The following TGFA variants were observed in gnomAD, a reference collection of about 807,000 sequenced individuals.
TGFA encodes the protein protransforming growth factor alpha.
In TGFA, 12 loss-of-function variants were observed where a neutral mutation model predicts 21.7. The observed-to-expected ratio is 0.55, with a 90% CI of 0.35 to 0.90. The LOEUF (loss-of-function observed/expected upper bound fraction) is 0.90. Among genes scored for constraint, TGFA ranks in the 40% least tolerant of loss-of-function variants. The probability of loss-of-function intolerance (pLI) is 0.01; values close to 1 mark genes in which losing one functional copy is unlikely to be tolerated. For synonymous variants in TGFA, 79 were observed against 88.1 expected, an observed-to-expected ratio of 0.90 and a Z score of 0.58; for missense variants, 178 against 210.8, an observed-to-expected ratio of 0.84 and a Z score of 0.96.
intron 3 of TGFA, among the ~76,000 whole-genome samples, chr2:70,464,779 G>T (rs1670500582): frequency 1.3e-5 from 2 of 152,146 alleles, no homozygotes; most frequent in Admixed American, 6.5e-5. Context: ...CCTCCACTTT[G>T]TCTCTAAGCT....
At chr2:70,484,820 CCCAACAGCCTT>C (rs1320277805) in intron 2 of TGFA, among the ~76,000 whole-genome samples, 1 of 152,154 alleles carries the variant, frequency 6.6e-6, no homozygotes. Flanking sequence ...TCTGTGTGCT[CCCAACAGCCTT>C]CCAACAAAGT....
At chr2:70,474,970 G>A (rs1443494804) in intron 2 of TGFA, among the ~76,000 whole-genome samples, 2 of 6,676 alleles carry the variant, frequency 3.0e-4, no homozygotes, top group Non-Finnish European at 3.2e-4. Context: ...CACAGCAGCC[G>A]TGTGTGTGTG....
At chr2:70,516,316 C>T (rs1349190569) in intron 1 of TGFA, among the ~76,000 whole-genome samples, 4 of 151,698 alleles carry the variant, frequency 2.6e-5, no homozygotes, top group Admixed American at 2.6e-4. Context: ...TGTGAGGGTT[C>T]CTTGCCCCTT....
intron 3 of TGFA, among the ~76,000 whole-genome samples, chr2:70,461,013 T>C (rs1481764248): frequency 1.3e-5 from 2 of 152,208 alleles, no homozygotes; most frequent in Non-Finnish European, 2.9e-5. Context: ...AAGAGTCCAG[T>C]GGCTCTTGTC....
At chr2:70,465,483 G>T in intron 3 of TGFA, 133 bp downstream of exon 3, 1 of 1,215,112 alleles carries the variant, frequency 8.2e-7, no homozygotes, top group South Asian at 1.6e-5. Context: ...CAGCCCCACT[G>T]TTCCAATCCT....
At chr2:70,521,383 C>T (rs1553502237) in intron 1 of TGFA, among the ~76,000 whole-genome samples, 1 of 152,150 alleles carries the variant, frequency 6.6e-6, no homozygotes, top group Non-Finnish European at 1.5e-5. Flanking sequence ...GCCTTGGGTT[C>T]ATGCTACTAG....
intron 2 of TGFA, among the ~76,000 whole-genome samples, chr2:70,486,728 CT>C (rs1334060880): frequency 6.6e-6 from 1 of 151,966 alleles, no homozygotes; most frequent in Non-Finnish European, 1.5e-5. Flanking sequence ...CCCTAAAGTG[CT>C]GGAATTATAG....
intron 1 of TGFA, among the ~76,000 whole-genome samples, chr2:70,533,479 C>G (rs1007065968): frequency 7.9e-5 from 12 of 152,102 alleles, no homozygotes; most frequent in African/African-American, 2.9e-4. Flanking sequence ...CAGAAAATAC[C>G]ACAAGGGCCT....
chr2:70,456,542 T>C (rs1574067354), intron 3 of TGFA, 54 bp from the exon 4 acceptor site: 16 of 1,541,178 alleles, frequency 1.0e-5, no homozygotes, highest in Non-Finnish European at 1.4e-5. Context: ...CTTGTTACCC[T>C]AGCTCTCCAG....
At chr2:70,467,161 AC>A (rs1371116905) in intron 2 of TGFA, among the ~76,000 whole-genome samples, 1 of 152,164 alleles carries the variant, frequency 6.6e-6, no homozygotes, top group Non-Finnish European at 1.5e-5. Flanking sequence ...TATGTAACGA[AC>A]CTGCACATCC....
At chr2:70,496,103 C>T (rs1178554320) in intron 2 of TGFA, among the ~76,000 whole-genome samples, 7 of 152,128 alleles carry the variant, frequency 4.6e-5, no homozygotes, top group Non-Finnish European at 1.0e-4. Context: ...GCTGCCATAC[C>T]CACATGTGTG....
At chr2:70,495,335 T>G (rs2103797157) in intron 2 of TGFA, among the ~76,000 whole-genome samples, 1 of 152,364 alleles carries the variant, frequency 6.6e-6, no homozygotes, top group Middle Eastern at 3.4e-3. Flanking sequence ...TTTTAATGTT[T>G]ATTAATATTT....
chr2:70,476,590 A>G lies in TGFA; in HGVS notation c.95-10854T>C, dbSNP rs146703934. 5.3e-5 allele frequency among the ~76,000 whole-genome samples: 8 copies of G among 152,342 alleles called. 1 individual carries two copies. The East Asian group carries it at 1.5e-3, about 29-fold the overall frequency. ...CTTCCTCTTGTTGAGTCTTTGAACC[A>G]TAATCCCCTTAAACCCTCTACACTG... On this transcript the variant is annotated intron_variant, in intron 2 of 5. Coordinates refer to ENST00000295400, the MANE Select transcript of TGFA (RefSeq NM_003236.4).
At chr2:70,469,867 C>T (rs577029743) in intron 2 of TGFA, among the ~76,000 whole-genome samples, 1 of 152,334 alleles carries the variant, frequency 6.6e-6, no homozygotes, top group Non-Finnish European at 1.5e-5. Context: ...AACTTGGAAT[C>T]TGTTTTGGAA....
At chr2:70,527,295 TAGAG>T (rs1672666024) in intron 1 of TGFA, among the ~76,000 whole-genome samples, 1 of 152,210 alleles carries the variant, frequency 6.6e-6, no homozygotes, top group African/African-American at 2.4e-5. Context: ...TCAAGTCACA[TAGAG>T]AAAGCTTAAA....
intron 1 of TGFA, among the ~76,000 whole-genome samples, chr2:70,526,878 C>A: frequency 6.6e-6 from 1 of 152,196 alleles, no homozygotes; most frequent in East Asian, 1.9e-4. Flanking sequence ...AGCATTTCAC[C>A]TTTAAGTCCC....
At chr2:70,466,865 A>C (rs1193534883) in intron 2 of TGFA, among the ~76,000 whole-genome samples, 2 of 152,222 alleles carry the variant, frequency 1.3e-5, no homozygotes, top group African/African-American at 4.8e-5. Context: ...AAAAGGAATG[A>C]GATCATGTCC....
At chr2:70,500,763 C>A (rs781897615) in intron 2 of TGFA, among the ~76,000 whole-genome samples, 1 of 152,154 alleles carries the variant, frequency 6.6e-6, no homozygotes, top group Admixed American at 6.5e-5. Context: ...TTGCTCTGAG[C>A]CATTTGAGTT....
At chr2:70,508,752 G>A (rs954413753) in intron 2 of TGFA, among the ~76,000 whole-genome samples, 1 of 152,156 alleles carries the variant, frequency 6.6e-6, no homozygotes. Flanking sequence ...GACCCGTAAA[G>A]TGATTCTGCA....
Sources: gnomAD v4.1 joint callset for allele counts (sites outside exome capture counted in the v4.1 genomes callset) on GRCh38, gnomAD v4.1.1 for gene constraint, MANE v1.5 for transcripts, NCBI Gene and HGNC (gene_info 2026-07-23, HGNC 2026-07-21) for gene names.